The following CDK13 variants were observed in gnomAD, a reference collection of about 807,000 sequenced individuals.
CDK13 encodes cyclin-dependent kinase 13.
In CDK13, 40 loss-of-function variants were observed where a neutral mutation model predicts 137.6. That is an observed-to-expected ratio of 0.29 (90% CI 0.23 to 0.38). The LOEUF is 0.38. Ranked by LOEUF, CDK13 falls within the 10% of genes least tolerant of loss-of-function variation. CDK13 has a pLI of 1.00. For synonymous variants in CDK13, 869 were observed against 760.1 expected (o/e 1.14, Z -2.36); for missense variants, 1,704 against 1,951.8 (o/e 0.87, Z 2.39).
intron 11 of CDK13, among the ~76,000 whole-genome samples, chr7:40,079,258 A>C (rs1482397291): frequency 6.6e-6 from 1 of 152,188 alleles, no homozygotes; most frequent in African/African-American, 2.4e-5. Context: ...GTCTCTACTA[A>C]AATTACAAAA....
chr7:40,018,521 C>T (rs1436944564), intron 5 of CDK13, among the ~76,000 whole-genome samples: 1 of 151,936 alleles, frequency 6.6e-6, no homozygotes, highest in Non-Finnish European at 1.5e-5. Context: ...TGCCCATCAG[C>T]TGAGGAGTGG....
In CDK13 at chr7:40,063,324, T is replaced by A. The variant is rs539139276; in HGVS notation, c.2780+224T>A. Among the ~76,000 whole-genome samples, 5 of 152,284 alleles carry A rather than the reference T, an allele frequency of 3.3e-5. No individual in the cohort carries two copies. The East Asian group carries it at 7.7e-4, about 24-fold the overall frequency. ...GGGTGGGTGCATGTGTATGTGTACA[T>A]GCGTGCGTGCATGTGTGCGTTTTTT... is the stretch of plus-strand genomic sequence containing the variant. On this transcript the variant is annotated intron_variant, in intron 9 of 13. Coordinates refer to ENST00000181839, the MANE Select transcript of CDK13 (RefSeq NM_003718.5).
chr7:40,043,780 A>G (rs1311079214), intron 5 of CDK13, among the ~76,000 whole-genome samples: 2 of 151,430 alleles, frequency 1.3e-5, no homozygotes, highest in Non-Finnish European at 2.9e-5. Flanking sequence ...GTGAGTTGTG[A>G]TGGTGCCACT....
chr7:40,002,687 C>G (rs571028073), intron 5 of CDK13, among the ~76,000 whole-genome samples: 3 of 152,084 alleles, frequency 2.0e-5, no homozygotes, highest in African/African-American at 7.2e-5. Context: ...ATAAATCTTA[C>G]ATTTAAATCT....
In CDK13 at chr7:39,953,608, A is replaced by G. The variant is rs576296184; in HGVS notation, c.1211+1756A>G. On this transcript the variant is annotated intron_variant, in intron 1 of 13. Coordinates refer to ENST00000181839, the MANE Select transcript of CDK13 (RefSeq NM_003718.5). ...CAAGTATTTTTTGACCCTGTATTGT[A>G]TGCCATATACTGTTTTAGGTATTGG... 4.6e-5 allele frequency among the ~76,000 whole-genome samples: 7 copies of G among 152,314 alleles called. No individual in the cohort carries two copies. The South Asian group carries it at 1.4e-3, about 32-fold the overall frequency.
chr7:39,967,964 C>T (rs1195056056), intron 1 of CDK13, among the ~76,000 whole-genome samples: 1 of 152,098 alleles, frequency 6.6e-6, no homozygotes, highest in Non-Finnish European at 1.5e-5. Context: ...CTCAAGGAGT[C>T]TTCCCACCTC....
At chr7:40,076,031 T>G (rs769141028) in intron 9 of CDK13, among the ~76,000 whole-genome samples, 1 of 152,194 alleles carries the variant, frequency 6.6e-6, no homozygotes, top group Non-Finnish European at 1.5e-5. Flanking sequence ...TTCCCACCTG[T>G]CTATGGTTTA....
rs1216345654 is a variant in CDK13, at chr7:39,997,658, G to C, written c.2036G>C (p.Arg679Thr). ...KTATQLHSKRRPKICGPRYGE... is the reference protein window; with the variant it reads ...KTATQLHSKRTPKICGPRYGE... ...GCAACACAGTTACATAGTAAAAGGAGGCCTAAGTATGTGCTTGCTTTCTAC... is the reference window on the plus strand; with the variant it reads ...GCAACACAGTTACATAGTAAAAGGACGCCTAAGTATGTGCTTGCTTTCTAC... Residue 679 changes from arginine (R) to threonine (T), a missense_variant, in exon 3 of 14, where the codon AGG becomes ACG. Arg to Thr is a moderately conservative substitution (Grantham distance 71). Coordinates refer to ENST00000181839, the MANE Select transcript of CDK13 (RefSeq NM_003718.5). 2 of 1,611,710 alleles carry C rather than the reference G, an allele frequency of 1.2e-6. No individual in the cohort carries two copies. Among genetic ancestry groups the C allele is most frequent in the Admixed American group, 3.4e-5 (2 of 59,504 alleles).
At chr7:40,006,679 G>T (rs1213971383) in intron 5 of CDK13, among the ~76,000 whole-genome samples, 1 of 152,120 alleles carries the variant, frequency 6.6e-6, no homozygotes, top group Non-Finnish European at 1.5e-5. Flanking sequence ...CTACTATGGA[G>T]GCTGAGGCAG....
At chr7:39,985,491 G>A (rs941721454) in intron 1 of CDK13, 1 of 152,236 alleles carries the variant, frequency 6.6e-6, no homozygotes, top group Non-Finnish European at 1.5e-5. Flanking sequence ...TATGTACCTA[G>A]GAGTGGGATT....
rs944210085 is a variant in CDK13, at chr7:40,098,517, T to C, written c.*3537T>C. On this transcript the variant is annotated 3_prime_UTR_variant, in exon 14 of 14. Transcript: ENST00000181839. ...ATAGCTAATTCCCTGGGATATAATA[T>C]CCTTTCAATTTTTTTTTTTTTTTTG... 2 of 149,994 alleles carry C rather than the reference T, an allele frequency of 1.3e-5. No homozygotes were observed. Among genetic ancestry groups the C allele is most frequent in the Middle Eastern group, 3.4e-3 (1 of 294 alleles). The allele number at this position is 149,994 out of a possible 1,614,324, so 9.3% of individuals were successfully genotyped here.
In CDK13 at chr7:40,030,237, G is replaced by A. The variant is rs994760490; in HGVS notation, c.2354-15599G>A. On this transcript the variant is annotated intron_variant, in intron 5 of 13. Coordinates refer to ENST00000181839, the MANE Select transcript of CDK13 (RefSeq NM_003718.5). Reference sequence around the variant, plus strand: ...GAGAAAATTATATATATATATATGTGTGTGTGTGTGTATATGTGTGTGTGT... The same window carrying A: ...GAGAAAATTATATATATATATATGTATGTGTGTGTGTATATGTGTGTGTGT... Among the ~76,000 whole-genome samples the A allele has an allele frequency of 6.4e-4, 93 of 144,672 alleles. 1 individual carries two copies. Among genetic ancestry groups the A allele is most frequent in the Middle Eastern group, 3.4e-3 (1 of 294 alleles). 94.9% of individuals were successfully genotyped at this position (144,672 alleles called of 152,430 possible).
In CDK13 at chr7:40,095,079, A is replaced by G. The variant is rs17538328; in HGVS notation, c.*99A>G. 0.13 allele frequency: 136,457 copies of G among 1,054,608 alleles called. 9,478 individuals are homozygous for G. The highest frequency in any genetic ancestry group is 0.17 in the Middle Eastern group (657 of 3,792). The allele number at this position is 1,054,608 out of a possible 1,614,324, so 65.3% of individuals were successfully genotyped here. Reference sequence around the variant, plus strand: ...AAGAGACTTGAATAATAATAATTCAACAACAGCTTTATTTTTATGTGGAGA... The same window carrying G: ...AAGAGACTTGAATAATAATAATTCAGCAACAGCTTTATTTTTATGTGGAGA... On this transcript the variant is annotated 3_prime_UTR_variant, in exon 14 of 14. Transcript: ENST00000181839.
rs1784365767 is a variant in CDK13 at position 39,987,603 on chromosome 7, T to A, written c.1216T>A (p.Ser406Thr). The A allele has an allele frequency of 1.9e-6, 3 of 1,581,772 alleles. No homozygotes were observed. The highest frequency in any genetic ancestry group is 2.6e-6 in the Non-Finnish European group (3 of 1,168,176). Residue 406 changes from serine to threonine, a missense_variant, in exon 2 of 14, where the codon TCT becomes ACT. Coordinates refer to ENST00000181839, the MANE Select transcript of CDK13 (RefSeq NM_003718.5). ...RSPYSPVLRR[S>T]GKSRSRSPYS... ...ATCTTAATTATTTCTCACCAGACGG[T>A]CTGGAAAATCCCGAAGCAGAAGCCC... is the stretch of plus-strand genomic sequence containing the variant.
intron 3 of CDK13, 56 bp downstream of exon 3, chr7:39,997,720 C>T: frequency 1.5e-6 from 2 of 1,326,994 alleles, no homozygotes; most frequent in East Asian, 2.3e-5. Flanking sequence ...TCTGGGTCAT[C>T]AGAAGTTCAT....
chr7:40,014,289 G>A (rs960485011), intron 5 of CDK13, among the ~76,000 whole-genome samples: 3 of 151,516 alleles, frequency 2.0e-5, no homozygotes, highest in South Asian at 2.1e-4. Context: ...GGCTGGTCTC[G>A]AACTCCTGAC....
chr7:40,015,951 G>A (rs113426541), intron 5 of CDK13, among the ~76,000 whole-genome samples: 3 of 152,200 alleles, frequency 2.0e-5, no homozygotes, highest in Non-Finnish European at 4.4e-5. Context: ...AATGCAAAGA[G>A]CAGATGCCTT....
Position 39,999,516 on chromosome 7 carries a change from T to C in CDK13, c.2182+16T>C, listed in dbSNP as rs768735472. 3.2e-6 allele frequency: 5 copies of C among 1,584,808 alleles called. No homozygotes were observed. The highest frequency in any genetic ancestry group is 4.3e-6 in the Non-Finnish European group (5 of 1,164,594). On this transcript the variant is annotated intron_variant, in intron 4 of 13. Coordinates refer to ENST00000181839, the MANE Select transcript of CDK13 (RefSeq NM_003718.5). ...AAAGACACTGGTAAGAATGCCAAGT[T>C]CTGGGGATCTTTGGGCCTACGGAAT...
chr7:40,072,541 G>A (rs1395140066), intron 9 of CDK13: 2 of 152,188 alleles, frequency 1.3e-5, no homozygotes, highest in African/African-American at 4.8e-5. Flanking sequence ...TCATGTTAAG[G>A]TGCTGGTAGT....
Sources: allele counts gnomAD v4.1 joint callset (sites outside exome capture counted in the v4.1 genomes callset), GRCh38; gene constraint gnomAD v4.1.1; transcripts MANE v1.5; gene names NCBI Gene and HGNC (gene_info 2026-07-23, HGNC 2026-07-21).